Variants in MECOM observed in about 807,000 individuals in gnomAD.
MECOM encodes histone-lysine N-methyltransferase MECOM.
MECOM carries 13 observed loss-of-function variants against 116.3 expected under a neutral mutation model. That is an observed-to-expected ratio of 0.11 (90% confidence interval 0.07 to 0.18). The LOEUF is 0.18. Ranked by LOEUF, MECOM falls within the 10% of genes least tolerant of loss-of-function variation. MECOM has a pLI of 1.00. For synonymous variants in MECOM, 528 were observed against 535.2 expected (o/e 0.99, Z 0.19); for missense variants, 1,299 against 1,509.0 (o/e 0.86, Z 2.31).
At chr3:169,590,465 A>G (rs549872787) in intron 1 of MECOM, among the ~76,000 whole-genome samples, 1 of 152,348 alleles carries the variant, frequency 6.6e-6, no homozygotes, top group South Asian at 2.1e-4. Context: ...TTCTTCTCTA[A>G]ATGGTTGTCA....
chr3:169,506,208 C>T (rs550408559), intron 1 of MECOM, among the ~76,000 whole-genome samples: 17 of 152,176 alleles, frequency 1.1e-4, no homozygotes, highest in Non-Finnish European at 2.1e-4. Flanking sequence ...TTTGTTTCTG[C>T]TGAAGCCAAC....
intron 1 of MECOM, among the ~76,000 whole-genome samples, chr3:169,650,580 A>G (rs1774769736): frequency 6.6e-6 from 1 of 152,104 alleles, no homozygotes; most frequent in Admixed American, 6.6e-5. Flanking sequence ...CAGATATATC[A>G]CAGTGGATTT....
At chr3:169,485,989 A>ATG (rs1560341131) in intron 1 of MECOM, among the ~76,000 whole-genome samples, 2 of 95,578 alleles carry the variant, frequency 2.1e-5, no homozygotes, top group Admixed American at 1.1e-4. Flanking sequence ...TATATAGTAT[A>ATG]TATATGTATA....
intron 1 of MECOM, among the ~76,000 whole-genome samples, chr3:169,426,716 T>A (rs1010719053): frequency 4.6e-5 from 7 of 152,198 alleles, no homozygotes; most frequent in African/African-American, 1.7e-4. Flanking sequence ...GCAGTTAATA[T>A]GAGATTAATT....
rs149669942 is a variant in MECOM, at chr3:169,586,233, A to G, written c.37+77103T>C. 2.3e-3 allele frequency among the ~76,000 whole-genome samples: 358 copies of G among 152,370 alleles called. 1 individual carries two copies. The highest frequency in any genetic ancestry group is 0.017 in the Middle Eastern group (5 of 294). On this transcript the variant is annotated intron_variant, in intron 1 of 16. Coordinates refer to ENST00000651503, the MANE Select transcript of MECOM (RefSeq NM_004991.4). ...AGGGGAAACACATAAAAACCATAGA[A>G]GGTTATGAATATACTATTTAGTTTA...
intron 1 of MECOM, among the ~76,000 whole-genome samples, chr3:169,567,708 G>GA (rs1328440847): frequency 6.6e-6 from 1 of 152,130 alleles, no homozygotes; most frequent in Non-Finnish European, 1.5e-5. Flanking sequence ...ACACCCTGAG[G>GA]AAACATTGCA....
chr3:169,300,069 C>T (rs767564975), intron 2 of MECOM, among the ~76,000 whole-genome samples: 4 of 152,156 alleles, frequency 2.6e-5, no homozygotes, highest in Non-Finnish European at 5.9e-5. Flanking sequence ...AGAGGTGAGC[C>T]TAACTGAGTG....
Position 169,220,601 on chromosome 3 carries a change from A to G in MECOM, c.376-76769T>C, listed in dbSNP as rs1027788394. 3.3e-5 allele frequency among the ~76,000 whole-genome samples: 5 copies of G among 151,958 alleles called. No homozygotes were observed. The East Asian group carries it at 9.6e-4, about 29-fold the overall frequency. On this transcript the variant is annotated intron_variant, in intron 2 of 16. Transcript: ENST00000651503. ...GCGATTCTCCTGCCCCAGCCCCCCA[A>G]GTAGCTAGGATTACAGGTGCCCACC... is the stretch of plus-strand genomic sequence containing the variant.
chr3:169,136,550 T>C (rs1214470522), intron 3 of MECOM, among the ~76,000 whole-genome samples: 1 of 151,992 alleles, frequency 6.6e-6, no homozygotes, highest in African/African-American at 2.4e-5. Context: ...AGCACTTTGA[T>C]AGGAAAGTTA....
intron 2 of MECOM, among the ~76,000 whole-genome samples, chr3:169,323,171 C>T (rs1332236051): frequency 6.6e-6 from 1 of 152,140 alleles, no homozygotes; most frequent in African/African-American, 2.4e-5. Flanking sequence ...ATATGCTTCA[C>T]AACTGTTACT....
intron 2 of MECOM, among the ~76,000 whole-genome samples, chr3:169,158,724 T>A (rs754420093): frequency 3.2e-4 from 48 of 152,216 alleles, no homozygotes; most frequent in Non-Finnish European, 6.0e-4. Flanking sequence ...TTCAATTACC[T>A]GCTCACTGTA....
chr3:169,469,648 C>T (rs766705213), intron 1 of MECOM, among the ~76,000 whole-genome samples: 13 of 152,188 alleles, frequency 8.5e-5, no homozygotes, highest in African/African-American at 1.2e-4. Context: ...TCTCCAGCAA[C>T]GCCCCCTTGC....
chr3:169,504,314 TC>T (rs1339251275), intron 1 of MECOM, among the ~76,000 whole-genome samples: 1 of 151,874 alleles, frequency 6.6e-6, no homozygotes, highest in Non-Finnish European at 1.5e-5. Context: ...GAGCTCTGTC[TC>T]GATGGGGATG....
Position 169,381,298 on chromosome 3 carries a change from A to G in MECOM, c.264T>C (p.Pro88=), listed in dbSNP as rs781527004. ...AEFELRESNM[P]GAGLGIWTKR... is the part of the protein sequence containing the mutation. ...TGGTCCATATTCCTAGTCCTGCCCC[A>G]GGCATATTTGACTCTCGAAGTTCAA... Residue 88 remains proline, a synonymous_variant, in exon 2 of 17, where the codon CCT becomes CCC. Transcript: ENST00000651503. 2.6e-5 allele frequency: 42 copies of G among 1,613,728 alleles called. No homozygotes were observed. The highest frequency in any genetic ancestry group is 2.3e-4 in the African/African-American group (17 of 74,918).
chr3:169,111,191 T>C (rs1188137723), intron 9 of MECOM, among the ~76,000 whole-genome samples: 6 of 152,124 alleles, frequency 3.9e-5, no homozygotes, highest in Non-Finnish European at 5.9e-5. Flanking sequence ...CCAGGTAGAC[T>C]AAGATGTTCA....
chr3:169,590,029 A>G (rs1012710380), intron 1 of MECOM, among the ~76,000 whole-genome samples: 4 of 152,220 alleles, frequency 2.6e-5, no homozygotes, highest in African/African-American at 2.4e-5. Context: ...ACTCAGAACT[A>G]TGAATCTCCA....
intron 2 of MECOM, among the ~76,000 whole-genome samples, chr3:169,292,371 A>G (rs972598383): frequency 7.2e-5 from 11 of 152,148 alleles, no homozygotes; most frequent in African/African-American, 2.4e-5. Flanking sequence ...AACATAAATG[A>G]AAAGATTGAA....
chr3:169,198,238 A>G (rs918428403), intron 2 of MECOM, among the ~76,000 whole-genome samples: 10 of 152,184 alleles, frequency 6.6e-5, no homozygotes, highest in African/African-American at 2.4e-4. Context: ...TCAATGTCTT[A>G]TATTTACTTA....
At chr3:169,261,361 A>T (rs573229166) in intron 2 of MECOM, among the ~76,000 whole-genome samples, 1 of 152,276 alleles carries the variant, frequency 6.6e-6, no homozygotes, top group East Asian at 1.9e-4. Flanking sequence ...AGTTCTGTAT[A>T]AATTAGCCAC....
Sources: gnomAD v4.1 joint callset for allele counts (sites outside exome capture counted in the v4.1 genomes callset) on GRCh38, gnomAD v4.1.1 for gene constraint, MANE v1.5 for transcripts, NCBI Gene and HGNC (gene_info 2026-07-23, HGNC 2026-07-21) for gene names.